Variants in MGAT4C observed in about 807,000 individuals in gnomAD.
The protein encoded by MGAT4C is MGAT4 family member C, also known as alpha-1,3-mannosyl-glycoprotein 4-beta-N-acetylglucosaminyltransferase C.
Under a neutral mutation model 40.1 loss-of-function variants are expected in MGAT4C, and 19 were observed. That is an observed-to-expected ratio of 0.47 (90% CI 0.33 to 0.70). The LOEUF (loss-of-function observed/expected upper bound fraction) is 0.70, where lower values mean the gene tolerates loss of function less well. Among genes scored for constraint, MGAT4C ranks in the 30% least tolerant of loss-of-function variants. MGAT4C has a pLI of 0.02. For synonymous variants in MGAT4C, 181 were observed against 187.1 expected (o/e 0.97, Z 0.27); for missense variants, 491 against 563.2 (o/e 0.87, Z 1.30).
chr12:86,385,413 CT>C (rs1403559970), intron 3 of MGAT4C, among the ~76,000 whole-genome samples: 1 of 152,092 alleles, frequency 6.6e-6, no homozygotes, highest in Non-Finnish European at 1.5e-5. Flanking sequence ...ATATCAGGCT[CT>C]GTTCATGTCA....
intron 3 of MGAT4C, among the ~76,000 whole-genome samples, chr12:86,407,302 T>C (rs996687394): frequency 6.6e-6 from 1 of 152,078 alleles, no homozygotes; most frequent in Non-Finnish European, 1.5e-5. Flanking sequence ...ACAGAATATA[T>C]AATCAAGCAT....
At chr12:86,537,024 A>AAT (rs1959083157) in intron 2 of MGAT4C, among the ~76,000 whole-genome samples, 1 of 152,214 alleles carries the variant, frequency 6.6e-6, no homozygotes. Context: ...TACAACATGG[A>AAT]ATACTATGCA....
intron 1 of MGAT4C, among the ~76,000 whole-genome samples, chr12:86,761,906 G>A (rs1210649337): frequency 6.6e-6 from 1 of 152,020 alleles, no homozygotes; most frequent in Non-Finnish European, 1.5e-5. Flanking sequence ...CAAAGTCTCT[G>A]TGGCATATAG....
intron 4 of MGAT4C, among the ~76,000 whole-genome samples, chr12:86,324,223 T>C (rs1954467571): frequency 1.3e-5 from 2 of 151,914 alleles, no homozygotes; most frequent in African/African-American, 4.8e-5. Context: ...TCTTACAAAT[T>C]TAGGCAGATT....
At chr12:86,383,591 T>G (rs1047371756) in intron 3 of MGAT4C, among the ~76,000 whole-genome samples, 1 of 151,168 alleles carries the variant, frequency 6.6e-6, no homozygotes, top group Non-Finnish European at 1.5e-5. Flanking sequence ...AAGAAATATT[T>G]GACTGCCCTT....
At chr12:86,681,262 G>A (rs1326025597) in intron 2 of MGAT4C, among the ~76,000 whole-genome samples, 1 of 151,834 alleles carries the variant, frequency 6.6e-6, no homozygotes, top group African/African-American at 2.4e-5. Flanking sequence ...TGCTGATGAG[G>A]TGATTTTTAA....
chr12:86,041,308 T>C (rs1891816021), intron 2 of MGAT4C, among the ~76,000 whole-genome samples: 1 of 152,144 alleles, frequency 6.6e-6, no homozygotes, highest in South Asian at 2.1e-4. Context: ...GGTTTGTGTG[T>C]CCCCAGTTCC....
At chr12:86,490,167 C>T (rs549137159) in intron 2 of MGAT4C, among the ~76,000 whole-genome samples, 5 of 152,156 alleles carry the variant, frequency 3.3e-5, no homozygotes, top group African/African-American at 1.2e-4. Context: ...TAAGGGCAGC[C>T]AGAGAGAAAG....
intron 1 of MGAT4C, among the ~76,000 whole-genome samples, chr12:86,148,651 G>C (rs1883868404): frequency 6.6e-6 from 1 of 152,120 alleles, no homozygotes; most frequent in Non-Finnish European, 1.5e-5. Context: ...GAGCAGTATA[G>C]GCAATTAACT....
intron 1 of MGAT4C, among the ~76,000 whole-genome samples, chr12:86,057,659 T>C (rs540035687): frequency 3.3e-5 from 5 of 152,270 alleles, no homozygotes; most frequent in Middle Eastern, 3.4e-3. Context: ...ACTAAGTCCA[T>C]CTTACTGCAA....
chr12:86,384,070 CTCTCT>C (rs1956006281), intron 3 of MGAT4C, among the ~76,000 whole-genome samples: 1 of 152,166 alleles, frequency 6.6e-6, no homozygotes, highest in South Asian at 2.1e-4. Context: ...CCCTCACAAG[CTCTCT>C]TCTCTTATCT....
rs1011038464 is a variant in MGAT4C, at chr12:86,268,448, A to AT, written c.-57+65616dup. Among the ~76,000 whole-genome samples the AT allele has an allele frequency of 1.3e-4, 19 of 150,916 alleles. No homozygotes were observed. In the South Asian group the frequency reaches 1.3e-3, roughly 10 times the overall value. ...TTGAAAAATACATGATATATAAAGG[A>AT]TTTTTTTTTCTTCATCTTCTTCACT... On this transcript the variant is annotated intron_variant, in intron 4 of 7. Coordinates refer to the MGAT4C transcript ENST00000548651.
intron 4 of MGAT4C, among the ~76,000 whole-genome samples, chr12:86,283,808 A>T (rs1417027049): frequency 6.6e-6 from 1 of 152,112 alleles, no homozygotes; most frequent in South Asian, 2.1e-4. Context: ...ACATGTTTAT[A>T]GCTGTTGGAA....
chr12:86,541,544 C>T (rs1959167626), intron 2 of MGAT4C, among the ~76,000 whole-genome samples: 1 of 152,056 alleles, frequency 6.6e-6, no homozygotes. Context: ...AAATAAGCAG[C>T]TGAAAATGGC....
At position 86,034,929 on chromosome 12, in the gene MGAT4C, A is replaced by T. The variant is rs527722682; in HGVS notation, c.-7+14745T>A. Among the ~76,000 whole-genome samples the T allele has an allele frequency of 6.0e-5, 9 of 150,220 alleles. 1 individual carries two copies. In the South Asian group the frequency reaches 1.1e-3, roughly 18 times the overall value. ...TGAACTCATCCTTTTTTATGGCTGC[A>T]TAGTATTCCATAGTGTATATGTGAC... On this transcript the variant is annotated intron_variant, in intron 2 of 4. Transcript: ENST00000611864.
intron 1 of MGAT4C, among the ~76,000 whole-genome samples, chr12:86,087,720 A>G (rs1872137338): frequency 6.6e-6 from 1 of 152,078 alleles, no homozygotes; most frequent in African/African-American, 2.4e-5. Flanking sequence ...AAAGTTATGA[A>G]ACACTGCTCA....
intron 1 of MGAT4C, among the ~76,000 whole-genome samples, chr12:86,130,635 A>G (rs1881034059): frequency 6.6e-6 from 1 of 152,026 alleles, no homozygotes; most frequent in Non-Finnish European, 1.5e-5. Context: ...ATATTAATTT[A>G]GACTCCAGTA....
At chr12:86,447,363 G>A (rs1957357752) in intron 2 of MGAT4C, among the ~76,000 whole-genome samples, 1 of 152,104 alleles carries the variant, frequency 6.6e-6, no homozygotes, top group Non-Finnish European at 1.5e-5. Context: ...GACCTCAGGT[G>A]AACCACCTGC....
At chr12:86,719,196 C>T (rs1469034482) in intron 2 of MGAT4C, among the ~76,000 whole-genome samples, 4 of 152,168 alleles carry the variant, frequency 2.6e-5, no homozygotes, top group South Asian at 2.1e-4. Context: ...ACTTTCACTA[C>T]GTGCAAAATA....
Sources: allele counts gnomAD v4.1 joint callset (sites outside exome capture counted in the v4.1 genomes callset), GRCh38; gene constraint gnomAD v4.1.1; transcripts MANE v1.5; gene names NCBI Gene and HGNC (gene_info 2026-07-23, HGNC 2026-07-21).